B3GALNT1: variants seen among roughly 807,000 people sequenced by gnomAD.
The protein encoded by B3GALNT1 is UDP-GalNAc:beta-1,3-N-acetylgalactosaminyltransferase 1.
Under a neutral mutation model 27.3 loss-of-function variants are expected in B3GALNT1, and 17 were observed. The ratio of observed to expected loss-of-function variants is 0.62; its 90% CI spans 0.43 to 0.94. The LOEUF (loss-of-function observed/expected upper bound fraction) is 0.94, where lower values mean the gene tolerates loss of function less well. Ranked by LOEUF, B3GALNT1 falls within the 40% of genes least tolerant of loss-of-function variation. The probability of loss-of-function intolerance (pLI) is 0.00; values close to 1 mark genes in which losing one functional copy is unlikely to be tolerated. For synonymous variants in B3GALNT1, 141 were observed against 144.0 expected (o/e 0.98, Z 0.15); for missense variants, 347 against 390.0 (o/e 0.89, Z 0.93).
Position 161,101,068 on chromosome 3 carries a change from C to T in B3GALNT1, c.-35+71G>A, listed in dbSNP as rs148940463. The T allele has an allele frequency of 1.3e-4, 159 of 1,195,346 alleles. 1 individual carries two copies. The East Asian group carries it at 8.9e-3, about 67-fold the overall frequency. 74.0% of individuals were successfully genotyped at this position (1,195,346 alleles called of 1,614,324 possible). A position where few individuals can be genotyped will look rare whatever the true frequency, so the allele number is the denominator to read the frequency against. On this transcript the variant is annotated intron_variant, in intron 4 of 4. Coordinates refer to ENST00000320474, the MANE Select transcript of B3GALNT1 (RefSeq NM_003781.4). The stretch of plus-strand genomic sequence containing the variant: ...GCACAGTGCCCCAGGAGAGACCAAC[C>T]TCACATCTAATCTCACAGCCTCCTG...
chr3:161,088,042 G>A (rs187144335), intron 4 of B3GALNT1, among the ~76,000 whole-genome samples: 1 of 152,174 alleles, frequency 6.6e-6, no homozygotes, highest in African/African-American at 2.4e-5. Flanking sequence ...GAGGGTTCTT[G>A]GAAAGCTGGA....
Position 161,104,313 on chromosome 3 carries a change from C to G in B3GALNT1, c.-221+6G>C. 7.8e-7 allele frequency: 1 copy of G among 1,289,614 alleles called. No individual in the cohort carries two copies. Among genetic ancestry groups the G allele is most frequent in the Non-Finnish European group, 1.0e-6 (1 of 988,794 alleles). 79.9% of individuals were successfully genotyped at this position (1,289,614 alleles called of 1,614,324 possible). A position where few individuals can be genotyped will look rare whatever the true frequency, so the allele number is the denominator to read the frequency against. On this transcript the variant is annotated splice_donor_region_variant and intron_variant, in intron 2 of 4. Coordinates refer to ENST00000320474, the MANE Select transcript of B3GALNT1 (RefSeq NM_003781.4). ...GTTGAACACTGCAAACCCAAATTTT[C>G]CTTACCTCTGAAAACAGAAAAAAAG... is the stretch of plus-strand genomic sequence containing the variant.
rs538498490 is a variant in B3GALNT1, at chr3:161,086,689, G to T, written c.66C>A (p.Leu22=). The change falls in exon 5 of 5, where the codon CTC becomes CTA. Residue 22 remains leucine (L), a synonymous_variant. Coordinates refer to ENST00000320474, the MANE Select transcript of B3GALNT1 (RefSeq NM_003781.4). Reference sequence around the variant, plus strand: ...AGAAACTCAGGAGTGACAGCAGCAGGAGGCTCCATTTGAGGGATCTCAGTG... The same window carrying T: ...AGAAACTCAGGAGTGACAGCAGCAGTAGGCTCCATTTGAGGGATCTCAGTG... ...RMSLRSLKWS[L]LLLSLLSFFV... 6.2e-7 allele frequency: 1 copy of T among 1,614,188 alleles called. No homozygotes were observed. The highest frequency in any genetic ancestry group is 8.5e-7 in the Non-Finnish European group (1 of 1,180,032).
At chr3:161,104,573 T>A in intron 1 of B3GALNT1, 167 bp from the exon 2 acceptor site, 1 of 355,858 alleles carries the variant, frequency 2.8e-6, no homozygotes, top group Middle Eastern at 5.0e-4. Flanking sequence ...CCTCTAGGAA[T>A]CTTTTTAAAA....
intron 4 of B3GALNT1, among the ~76,000 whole-genome samples, chr3:161,099,035 A>T (rs1156813486): frequency 6.6e-6 from 1 of 152,250 alleles, no homozygotes; most frequent in Non-Finnish European, 1.5e-5. Context: ...ATGGCTTAAA[A>T]ATTGGCTGAT....
intron 4 of B3GALNT1, among the ~76,000 whole-genome samples, chr3:161,096,216 A>G (rs1046385192): frequency 6.6e-6 from 1 of 152,242 alleles, no homozygotes; most frequent in Admixed American, 6.5e-5. Context: ...TGAATCCAAA[A>G]GTAACCTGAA....
chr3:161,089,478 A>AT (rs1213022310), intron 4 of B3GALNT1, among the ~76,000 whole-genome samples: 13 of 152,242 alleles, frequency 8.5e-5, no homozygotes, highest in Non-Finnish European at 1.5e-4. Context: ...CATTCTTAGT[A>AT]TATTTTAACA....
chr3:161,094,466 CAG>C (rs1364595165), intron 4 of B3GALNT1, among the ~76,000 whole-genome samples: 1 of 152,180 alleles, frequency 6.6e-6, no homozygotes, highest in Non-Finnish European at 1.5e-5. Context: ...AACAGACAAA[CAG>C]AGATACTACA....
rs1721223764 is a variant in B3GALNT1 at position 161,085,531 on chromosome 3, C to A, written c.*228G>T. ...TGTTTGGTCCTATTAATTTCTTTAG[C>A]AAAAACCTCCAATTCCTTTATATTT... On this transcript the variant is annotated 3_prime_UTR_variant, in exon 5 of 5. Coordinates refer to ENST00000320474, the MANE Select transcript of B3GALNT1 (RefSeq NM_003781.4). 1.9e-6 allele frequency: 1 copy of A among 540,308 alleles called. No individual in the cohort carries two copies. Among genetic ancestry groups the A allele is most frequent in the Non-Finnish European group, 3.3e-6 (1 of 305,472 alleles). 33.5% of individuals were successfully genotyped at this position (540,308 alleles called of 1,614,324 possible). A position where few individuals can be genotyped will look rare whatever the true frequency, so the allele number is the denominator to read the frequency against.
intron 4 of B3GALNT1, among the ~76,000 whole-genome samples, chr3:161,092,766 T>TTC (rs1553768557): frequency 7.1e-5 from 10 of 139,866 alleles, no homozygotes; most frequent in South Asian, 2.4e-4. Flanking sequence ...CATTTTTCTT[T>TTC]TTTTTTTTTT....
chr3:161,099,992 T>C (rs914139843), intron 4 of B3GALNT1, among the ~76,000 whole-genome samples: 1 of 152,164 alleles, frequency 6.6e-6, no homozygotes, highest in Non-Finnish European at 1.5e-5. Flanking sequence ...AAGGATTGCA[T>C]GACATGTGGC....
intron 4 of B3GALNT1, among the ~76,000 whole-genome samples, chr3:161,098,269 G>C (rs1386257685): frequency 1.3e-5 from 2 of 152,158 alleles, no homozygotes; most frequent in Non-Finnish European, 2.9e-5. Flanking sequence ...TAAAAACTCA[G>C]GTATATTCAC....
chr3:161,089,633 G>C (rs1004901182), intron 4 of B3GALNT1, among the ~76,000 whole-genome samples: 2 of 152,060 alleles, frequency 1.3e-5, no homozygotes, highest in African/African-American at 4.8e-5. Context: ...TAAGTTATCT[G>C]TCTATTCAAT....
Position 161,086,195 on chromosome 3 carries a change from G to C in B3GALNT1, c.560C>G (p.Thr187Ser). 6.2e-7 allele frequency: 1 copy of C among 1,614,098 alleles called. No individual in the cohort carries two copies. The highest frequency in any genetic ancestry group is 8.5e-7 in the Non-Finnish European group (1 of 1,180,000). Reference sequence around the variant, plus strand: ...TAAAAGATACTTCACTAAATTGCCAGTATTGATGAAAACATCAGTGTCTGT... The same window carrying C: ...TAAAAGATACTTCACTAAATTGCCACTATTGATGAAAACATCAGTGTCTGT... Reference protein sequence around the residue: ...MKTDTDVFINTGNLVKYLLNL... With the variant: ...MKTDTDVFINSGNLVKYLLNL... The change falls in exon 5 of 5, where the codon ACT (threonine) becomes AGT (serine). Residue 187 changes from threonine (T) to serine (S), a missense_variant. Thr to Ser is a moderately conservative substitution (Grantham distance 58, BLOSUM62 1). Coordinates refer to ENST00000320474, the MANE Select transcript of B3GALNT1 (RefSeq NM_003781.4).
At chr3:161,087,791 A>G (rs1722811161) in intron 4 of B3GALNT1, among the ~76,000 whole-genome samples, 1 of 152,154 alleles carries the variant, frequency 6.6e-6, no homozygotes. Context: ...AAGGGCATTC[A>G]TGTATGTATA....
chr3:161,091,370 C>T (rs151304894), intron 4 of B3GALNT1, among the ~76,000 whole-genome samples: 39 of 152,272 alleles, frequency 2.6e-4, no homozygotes, highest in African/African-American at 9.1e-4. Flanking sequence ...TTTCAGTTAT[C>T]CACAGTCAAC....
intron 4 of B3GALNT1, among the ~76,000 whole-genome samples, chr3:161,094,378 A>G (rs568588453): frequency 1.3e-5 from 2 of 152,322 alleles, no homozygotes; most frequent in African/African-American, 4.8e-5. Context: ...ACACCTTTTT[A>G]TTTAACACCA....
chr3:161,086,255 G>T lies in B3GALNT1; in HGVS notation c.500C>A (p.Thr167Asn). Residue 167 changes from threonine (T) to asparagine (N), a missense_variant, in exon 5 of 5, where the codon ACT (threonine) becomes AAT (asparagine). Transcript: ENST00000320474. ...GTACTTGGCATTGGGGCAAAACTCA[G>T]TTACCCACCTGAATGCCATAATGGT... ...LKTIMAFRWV[T>N]EFCPNAKYVM... 1 of 1,614,158 alleles carries T rather than the reference G, an allele frequency of 6.2e-7. No individual in the cohort carries two copies. The highest frequency in any genetic ancestry group is 1.7e-4 in the Middle Eastern group (1 of 6,058).
chr3:161,090,840 TCTTA>T (rs1724693973), intron 4 of B3GALNT1, among the ~76,000 whole-genome samples: 1 of 152,306 alleles, frequency 6.6e-6, no homozygotes, highest in African/African-American at 2.4e-5. Context: ...TATACCAATC[TCTTA>T]CTTGAAAATT....
Sources: allele counts gnomAD v4.1 joint callset (sites outside exome capture counted in the v4.1 genomes callset), GRCh38; gene constraint gnomAD v4.1.1; transcripts MANE v1.5; gene names NCBI Gene and HGNC (gene_info 2026-07-23, HGNC 2026-07-21).